GNAS: variants seen among roughly 807,000 people sequenced by gnomAD.
GNAS encodes protein ALEX.
A neutral mutation model predicts 54.5 loss-of-function variants in GNAS; 8 were observed. The observed-to-expected ratio is 0.15, with a 90% CI of 0.09 to 0.26. GNAS has a LOEUF of 0.26. Ranked by LOEUF, GNAS falls within the 10% of genes least tolerant of loss-of-function variation. The pLI is 1.00. For missense variants in GNAS, 170 were observed against 529.8 expected (o/e 0.32, Z 6.67); for synonymous variants, 204 against 191.4 (o/e 1.07, Z -0.54).
intron 1 of GNAS, among the ~76,000 whole-genome samples, chr20:58,892,811 T>TC (rs1010880008): frequency 2.6e-5 from 4 of 151,916 alleles, no homozygotes; most frequent in African/African-American, 9.7e-5. Context: ...GACCTTTTTT[T>TC]CCCCTTCCAG....
intron 6 of GNAS, among the ~76,000 whole-genome samples, chr20:58,907,405 C>T (rs146404686): frequency 3.2e-4 from 49 of 152,268 alleles, no homozygotes; most frequent in African/African-American, 1.1e-3. Context: ...AAGCTGGAAG[C>T]GCTAATTATA....
intron 1 of GNAS, among the ~76,000 whole-genome samples, chr20:58,893,391 T>C (rs576821870): frequency 6.6e-6 from 1 of 152,342 alleles, no homozygotes; most frequent in South Asian, 2.1e-4. Flanking sequence ...ATGGAAGTTT[T>C]CCACTTCCTT....
chr20:58,886,369 A>G (rs1214733538), upstream of GNAS, among the ~76,000 whole-genome samples: 1 of 152,222 alleles, frequency 6.6e-6, no homozygotes, highest in Non-Finnish European at 1.5e-5. Context: ...TGGCTTGGGC[A>G]TGAAGCAAGT....
intron 2 of GNAS, 78 bp from the exon 3 acceptor site, chr20:58,898,863 T>C: frequency 8.3e-7 from 1 of 1,207,508 alleles, no homozygotes; most frequent in Non-Finnish European, 1.2e-6. Flanking sequence ...GGTTGAGGAA[T>C]GTAGAGAGAC....
At chr20:58,843,950 TG>T (rs761026921) in intron 1 of GNAS, 4 of 152,234 alleles carry the variant, frequency 2.6e-5, no homozygotes, top group Non-Finnish European at 5.9e-5. Flanking sequence ...TGTTTTGAGA[TG>T]TTTCTTTAAT....
In GNAS at chr20:58,899,502, C is replaced by G. The variant is rs181453514; in HGVS notation, c.257+517C>G. 151 of 542,106 alleles carry G rather than the reference C, an allele frequency of 2.8e-4. 1 individual carries two copies. The highest frequency in any genetic ancestry group is 1.4e-3 in the Admixed American group (75 of 51,798). The allele number at this position is 542,106 out of a possible 1,614,324, so 33.6% of individuals were successfully genotyped here. On this transcript the variant is annotated intron_variant, in intron 3 of 12. Transcript: ENST00000371085. ...GGTCGTTAAGAATCATCTCGAAAAG[C>G]CTCTGGCCTTTTAAAAATGATCAAA... is the stretch of plus-strand genomic sequence containing the variant.
chr20:58,883,510 T>C (rs538457317), intron 1 of GNAS, among the ~76,000 whole-genome samples: 4 of 152,184 alleles, frequency 2.6e-5, no homozygotes, highest in African/African-American at 7.2e-5. Flanking sequence ...CCCAGACTGG[T>C]TGCAAACGCT....
chr20:58,840,199 G>C, upstream of GNAS: 1 of 1,611,156 alleles, frequency 6.2e-7, no homozygotes, highest in Non-Finnish European at 8.5e-7. The surrounding 1 kb of genome is among the most constrained non-coding windows in gnomAD (Gnocchi z 6.0). Context: ...CAGCCACCGC[G>C]CTCCTCTGGC....
chr20:58,885,423 G>C (rs1284707713), intron 1 of GNAS, among the ~76,000 whole-genome samples: 1 of 152,226 alleles, frequency 6.6e-6, no homozygotes, highest in Admixed American at 6.5e-5. Flanking sequence ...TTGAATTAGA[G>C]TATGTTCTGA....
intron 5 of GNAS, among the ~76,000 whole-genome samples, chr20:58,904,481 A>T (rs2090906944): frequency 6.6e-6 from 1 of 152,250 alleles, no homozygotes; most frequent in Non-Finnish European, 1.5e-5. Flanking sequence ...GGAACAAAAA[A>T]CTGTTCAAGC....
In GNAS at chr20:58,895,807, T is replaced by C. The variant is rs2089990939; in HGVS notation, c.212+123T>C. 8.4e-6 allele frequency: 6 copies of C among 711,634 alleles called. No homozygotes were observed. In the South Asian group the frequency reaches 9.3e-5, roughly 11 times the overall value. 44.1% of individuals were successfully genotyped at this position (711,634 alleles called of 1,614,324 possible). On this transcript the variant is annotated intron_variant, in intron 2 of 12. Transcript: ENST00000371085. ...AGTTTTCACTTAATTTTTCCTGATT[T>C]ACATATTAGAAAATCCTGGGAAGGG...
intron 2 of GNAS, among the ~76,000 whole-genome samples, chr20:58,896,597 A>G (rs1426174682): frequency 6.6e-6 from 1 of 151,758 alleles, no homozygotes; most frequent in African/African-American, 2.4e-5. Context: ...GGGCCTACCC[A>G]TCGTTCTCGT....
At position 58,853,066 on chromosome 20, in the gene GNAS, T is replaced by A. The variant is rs1017998215; in HGVS notation, c.43+12180T>A. On this transcript the variant is annotated intron_variant, in intron 1 of 12. Transcript: ENST00000306090. This position sits in a 1 kb window ranked among gnomAD's most constrained non-coding sequence, Gnocchi z 4.4. ...GGAGCCAAGACTCCACCAGCAACAA[T>A]TGAGTTGCTTCAGCCTCAGTCTAGG... 5.1e-6 allele frequency: 7 copies of A among 1,377,810 alleles called. No individual in the cohort carries two copies. The highest frequency in any genetic ancestry group is 6.5e-6 in the Non-Finnish European group (7 of 1,070,212). The allele number at this position is 1,377,810 out of a possible 1,614,324, so 85.3% of individuals were successfully genotyped here. A position where few individuals can be genotyped will look rare whatever the true frequency, so the allele number is the denominator to read the frequency against.
chr20:58,852,388 C>T (rs1481827502), intron 1 of GNAS, among the ~76,000 whole-genome samples: 1 of 152,236 alleles, frequency 6.6e-6, no homozygotes, highest in Non-Finnish European at 1.5e-5. Flanking sequence ...CCCTCTCCCT[C>T]GCCTCTCTCT....
Position 58,891,573 on chromosome 20 carries a change from G to T in GNAS, c.-154G>T. ...CCCGTCCGCGCGCCCCGCGGCCCGC[G>T]GCCCGCAGTCCGCCCCGCGCGCTCC... On this transcript the variant is annotated 5_prime_UTR_variant, in exon 1 of 13. Transcript: ENST00000371085. 1 of 970,460 alleles carries T rather than the reference G, an allele frequency of 1.0e-6. No individual in the cohort carries two copies. The highest frequency in any genetic ancestry group is 1.2e-6 in the Non-Finnish European group (1 of 821,326). 60.1% of individuals were successfully genotyped at this position (970,460 alleles called of 1,614,324 possible).
At chr20:58,896,196 G>T (rs1383898535) in intron 2 of GNAS, among the ~76,000 whole-genome samples, 1 of 151,868 alleles carries the variant, frequency 6.6e-6, no homozygotes, top group East Asian at 1.9e-4. Context: ...AGAAACAGAT[G>T]TGGAAGTGGC....
At chr20:58,844,377 T>C (rs376681510) in intron 1 of GNAS, among the ~76,000 whole-genome samples, 35 of 152,196 alleles carry the variant, frequency 2.3e-4, no homozygotes, top group African/African-American at 6.5e-4. Context: ...TTAATCCCCA[T>C]GTTCAAGAAT....
chr20:58,903,203 G>A, intron 3 of GNAS: 1 of 436,468 alleles, frequency 2.3e-6, no homozygotes, highest in Non-Finnish European at 4.3e-6. Flanking sequence ...GATAGGACCA[G>A]GAGAAGCCTT....
At chr20:58,899,569 A>AC (rs2090397760) in intron 3 of GNAS, 1 of 540,246 alleles carries the variant, frequency 1.9e-6, no homozygotes, top group Non-Finnish European at 3.5e-6. Flanking sequence ...TTGGTGGATA[A>AC]GGAAATTCAT....
Sources: gnomAD v4.1 joint callset for allele counts (sites outside exome capture counted in the v4.1 genomes callset) on GRCh38, gnomAD v4.1.1 for gene constraint, Gnocchi (gnomAD v3.1) non-coding constraint, MANE v1.5 for transcripts, NCBI Gene and HGNC (gene_info 2026-07-23, HGNC 2026-07-21) for gene names.